Variants in MSI2 observed in about 807,000 individuals in gnomAD.
The protein encoded by MSI2 is musashi RNA binding protein 2, also known as RNA-binding protein Musashi homolog 2.
A neutral mutation model predicts 45.6 loss-of-function variants in MSI2; 17 were observed. The ratio of observed to expected loss-of-function variants is 0.37; its 90% CI spans 0.26 to 0.56. The LOEUF (loss-of-function observed/expected upper bound fraction) is 0.56, where lower values mean the gene tolerates loss of function less well. Ranked by LOEUF, MSI2 falls within the 20% of genes least tolerant of loss-of-function variation. The pLI, the probability that MSI2 is intolerant of heterozygous loss-of-function variation, is 0.77. For synonymous variants in MSI2, 156 were observed against 158.2 expected (o/e 0.99, Z 0.11); for missense variants, 293 against 444.2 (o/e 0.66, Z 3.06).
intron 6 of MSI2, among the ~76,000 whole-genome samples, chr17:57,408,207 G>A (rs1211527461): frequency 6.6e-6 from 1 of 152,206 alleles, no homozygotes. Context: ...TCAAAAAGGA[G>A]ATTCTGAAAT....
chr17:57,609,839 G>A (rs1041234812), intron 8 of MSI2, among the ~76,000 whole-genome samples: 1 of 152,216 alleles, frequency 6.6e-6, no homozygotes, highest in African/African-American at 2.4e-5. Context: ...GCTAGGGAGA[G>A]GGTGTAACGC....
At chr17:57,341,871 C>A (rs968464756) in intron 5 of MSI2, among the ~76,000 whole-genome samples, 31 of 152,298 alleles carry the variant, frequency 2.0e-4, no homozygotes, top group African/African-American at 7.0e-4. Context: ...TCTCTCTCCT[C>A]TCCCTCTTTT....
chr17:57,404,082 G>A (rs1381108922), intron 6 of MSI2, among the ~76,000 whole-genome samples: 1 of 152,168 alleles, frequency 6.6e-6, no homozygotes, highest in Non-Finnish European at 1.5e-5. Context: ...GTATGCGAGT[G>A]CAAAGTGTGG....
intron 5 of MSI2, among the ~76,000 whole-genome samples, chr17:57,310,131 G>A (rs1912260747): frequency 6.6e-6 from 1 of 152,208 alleles, no homozygotes; most frequent in Non-Finnish European, 1.5e-5. Flanking sequence ...GGCCCAGCAG[G>A]CCTGCCTGGA....
intron 5 of MSI2, among the ~76,000 whole-genome samples, chr17:57,364,344 C>T (rs1917032892): frequency 6.6e-6 from 1 of 152,188 alleles, no homozygotes; most frequent in Admixed American, 6.5e-5. Context: ...TTTCTCCCTG[C>T]TCTGGAAATG....
intron 5 of MSI2, among the ~76,000 whole-genome samples, chr17:57,377,684 C>T (rs2083522659): frequency 6.6e-6 from 1 of 151,874 alleles, no homozygotes; most frequent in South Asian, 2.1e-4. Context: ...CTCTTCATTA[C>T]TTTAAAAAAA....
intron 5 of MSI2, among the ~76,000 whole-genome samples, chr17:57,366,383 A>C (rs1198808670): frequency 6.6e-6 from 1 of 152,170 alleles, no homozygotes; most frequent in Non-Finnish European, 1.5e-5. Flanking sequence ...AAGGGATCAC[A>C]CGTTTGAATG....
intron 11 of MSI2, among the ~76,000 whole-genome samples, chr17:57,671,281 C>T (rs998401076): frequency 6.6e-6 from 1 of 152,224 alleles, no homozygotes; most frequent in Admixed American, 6.5e-5. Context: ...ACGTTGTCCT[C>T]TTCTGGGACA....
intron 5 of MSI2, chr17:57,279,022 A>C (rs568981897): frequency 1.3e-5 from 2 of 151,630 alleles, no homozygotes; most frequent in East Asian, 1.9e-4. Flanking sequence ...TTCAGGGCAG[A>C]CCTGATACAG....
At chr17:57,570,514 G>A (rs975089996) in intron 7 of MSI2, among the ~76,000 whole-genome samples, 2 of 152,156 alleles carry the variant, frequency 1.3e-5, no homozygotes, top group Non-Finnish European at 2.9e-5. Flanking sequence ...TCTTCCAGCA[G>A]GTAAAAATGG....
At chr17:57,443,401 G>T (rs916527954) in intron 6 of MSI2, among the ~76,000 whole-genome samples, 1 of 152,204 alleles carries the variant, frequency 6.6e-6, no homozygotes, top group Non-Finnish European at 1.5e-5. Context: ...GGGCACACGT[G>T]GCACCGGCAG....
At chr17:57,551,269 G>A (rs2087297385) in intron 7 of MSI2, among the ~76,000 whole-genome samples, 1 of 152,136 alleles carries the variant, frequency 6.6e-6, no homozygotes, top group African/African-American at 2.4e-5. Flanking sequence ...CCAGATCAGG[G>A]GCTGAACCTG....
rs77846439 is a variant in MSI2, at chr17:57,512,152, C to G, written c.406-17524C>G. Among the ~76,000 whole-genome samples the G allele has an allele frequency of 4.5e-4, 69 of 152,330 alleles. No homozygotes were observed. In the East Asian group the frequency reaches 0.013, roughly 28 times the overall value. ...CATGGGGCCTGCACAGCCTAGAGCA[C>G]TTATCACGTATCCTGCACTGATGGC... On this transcript the variant is annotated intron_variant, in intron 6 of 13. Transcript: ENST00000284073.
At chr17:57,514,979 A>C (rs2086439135) in intron 6 of MSI2, among the ~76,000 whole-genome samples, 1 of 152,184 alleles carries the variant, frequency 6.6e-6, no homozygotes, top group Admixed American at 6.5e-5. Context: ...GCACCCCGAC[A>C]CACCCCATCC....
At chr17:57,313,419 T>A (rs1912576006) in intron 5 of MSI2, among the ~76,000 whole-genome samples, 1 of 152,250 alleles carries the variant, frequency 6.6e-6, no homozygotes, top group Non-Finnish European at 1.5e-5. Context: ...TGGTTTTGAA[T>A]TGAAGACCTT....
intron 5 of MSI2, among the ~76,000 whole-genome samples, chr17:57,275,487 T>C (rs1027940877): frequency 4.6e-5 from 7 of 152,208 alleles, no homozygotes; most frequent in Non-Finnish European, 2.9e-5. Context: ...GGGAAGAAGA[T>C]TGGTAGAGCT....
At chr17:57,375,529 G>A (rs747014910) in intron 5 of MSI2, among the ~76,000 whole-genome samples, 1 of 152,202 alleles carries the variant, frequency 6.6e-6, no homozygotes, top group Non-Finnish European at 1.5e-5. Flanking sequence ...GAAGCCATGG[G>A]ATCACGGCGT....
intron 8 of MSI2, among the ~76,000 whole-genome samples, chr17:57,607,761 G>T (rs1166855125): frequency 6.6e-6 from 1 of 152,214 alleles, no homozygotes; most frequent in Non-Finnish European, 1.5e-5. Context: ...ACATCGCTAG[G>T]CTTCTGGGGT....
intron 1 of MSI2, 93 bp downstream of exon 1, chr17:57,256,897 GC>G: frequency 1.4e-5 from 11 of 790,006 alleles, no homozygotes; most frequent in Admixed American, 4.4e-5. Flanking sequence ...CATCTCCCGC[GC>G]CCCCCCGCCT....
Sources: gnomAD v4.1 joint callset for allele counts (sites outside exome capture counted in the v4.1 genomes callset) on GRCh38, gnomAD v4.1.1 for gene constraint, MANE v1.5 for transcripts, NCBI Gene and HGNC (gene_info 2026-07-23, HGNC 2026-07-21) for gene names.